C10orf67: variants seen among roughly 807,000 people sequenced by gnomAD.
C10orf67 encodes the protein uncharacterized protein C10orf67, mitochondrial.
C10orf67 carries 60 observed loss-of-function variants against 35.6 expected under a neutral mutation model. The ratio of observed to expected loss-of-function variants is 1.68; its 90% CI spans 1.37 to 2.09. The LOEUF is 2.09. Among genes scored for constraint, C10orf67 ranks in the 30% most tolerant of loss-of-function variants. The pLI is 0.00. For missense variants in C10orf67, 474 were observed against 330.2 expected, an observed-to-expected ratio of 1.44 and a Z score of -3.38; for synonymous variants, 167 against 115.8, an observed-to-expected ratio of 1.44 and a Z score of -2.84.
intron 5 of C10orf67, among the ~76,000 whole-genome samples, chr10:23,296,610 T>G (rs1373770694): frequency 6.6e-6 from 1 of 151,986 alleles, no homozygotes; most frequent in East Asian, 1.9e-4. Context: ...TGAATTGGGG[T>G]GTACTAGGGG....
chr10:23,272,671 T>G lies in C10orf67; in HGVS notation c.976-5417A>C, dbSNP rs141578558. On this transcript the variant is annotated intron_variant, in intron 8 of 15. Transcript: ENST00000636213. ...AAAATTGTTTTAGCTATCCCAGGTCTTGTGCATGTCTATATAAATTTTAGG... is the reference window on the plus strand; with the variant it reads ...AAAATTGTTTTAGCTATCCCAGGTCGTGTGCATGTCTATATAAATTTTAGG... 3.1e-3 allele frequency among the ~76,000 whole-genome samples: 476 copies of G among 152,340 alleles called. 5 individuals are homozygous for G. Among genetic ancestry groups the G allele is most frequent in the African/African-American group, 0.011 (441 of 41,584 alleles).
chr10:23,338,859 TA>T (rs1305576727), intron 1 of C10orf67, among the ~76,000 whole-genome samples: 3 of 151,648 alleles, frequency 2.0e-5, no homozygotes, highest in South Asian at 2.1e-4. Context: ...AAAATAAAAA[TA>T]AAAAAAATAA....
At chr10:23,210,609 G>A (rs1841282841) in intron 15 of C10orf67, among the ~76,000 whole-genome samples, 1 of 151,958 alleles carries the variant, frequency 6.6e-6, no homozygotes, top group African/African-American at 2.4e-5. Flanking sequence ...TAGTAGAGAC[G>A]GGGTTTCACC....
chr10:23,277,948 G>C (rs1169600670), intron 8 of C10orf67, among the ~76,000 whole-genome samples: 2 of 152,174 alleles, frequency 1.3e-5, no homozygotes, highest in East Asian at 3.9e-4. Flanking sequence ...GAAGGTGAAG[G>C]GGGAGCAGGT....
intron 15 of C10orf67, among the ~76,000 whole-genome samples, chr10:23,211,051 C>G (rs1409541283): frequency 6.6e-6 from 1 of 152,136 alleles, no homozygotes. Context: ...GCTGCCATAA[C>G]AAAGTAGCAC....
chr10:23,319,277 T>A (rs1844854607), intron 4 of C10orf67, among the ~76,000 whole-genome samples: 1 of 152,186 alleles, frequency 6.6e-6, no homozygotes, highest in Non-Finnish European at 1.5e-5. Flanking sequence ...TGTTCCAATA[T>A]TAATTTGTTT....
At chr10:23,336,254 T>G (rs942097986) in intron 1 of C10orf67, among the ~76,000 whole-genome samples, 3 of 152,182 alleles carry the variant, frequency 2.0e-5, no homozygotes, top group Non-Finnish European at 4.4e-5. Context: ...GACTAGAAAG[T>G]TCTCTGAGAC....
intron 2 of C10orf67, among the ~76,000 whole-genome samples, chr10:23,327,222 G>A (rs1393560235): frequency 6.6e-6 from 1 of 151,924 alleles, no homozygotes; most frequent in Non-Finnish European, 1.5e-5. Context: ...ATAAGATAAA[G>A]AGAAATTAAA....
intron 7 of C10orf67, among the ~76,000 whole-genome samples, chr10:23,283,464 C>T (rs1843431700): frequency 6.6e-6 from 1 of 152,192 alleles, no homozygotes; most frequent in Admixed American, 6.5e-5. Flanking sequence ...CTTCACTGGA[C>T]TCTGGTTCCG....
chr10:23,340,238 G>A lies in C10orf67; in HGVS notation c.206+4331C>T, dbSNP rs1588716577. ...TATTTTAAAATCAGGTTCAGGCTGG[G>A]TGTGGTGGCTCACACCAGCATTTTG... is the stretch of plus-strand genomic sequence containing the variant. On this transcript the variant is annotated intron_variant, in intron 1 of 15. Coordinates refer to ENST00000636213, the MANE Select transcript of C10orf67 (RefSeq NM_001371909.1). 9.9e-5 allele frequency among the ~76,000 whole-genome samples: 15 copies of A among 151,854 alleles called. No homozygotes were observed. In the South Asian group the frequency reaches 2.9e-3, roughly 30 times the overall value.
chr10:23,285,181 G>T (rs1007122369), intron 7 of C10orf67, among the ~76,000 whole-genome samples: 1 of 151,894 alleles, frequency 6.6e-6, no homozygotes, highest in Non-Finnish European at 1.5e-5. Context: ...GGCCCCAGGG[G>T]ACCTAGTTCC....
At chr10:23,298,968 G>A (rs1041706127) in intron 5 of C10orf67, among the ~76,000 whole-genome samples, 2 of 152,212 alleles carry the variant, frequency 1.3e-5, no homozygotes, top group African/African-American at 2.4e-5. Flanking sequence ...GGGTAAAACA[G>A]TCCAGGTGAG....
At chr10:23,332,705 A>G (rs1845533872) in intron 2 of C10orf67, among the ~76,000 whole-genome samples, 1 of 152,246 alleles carries the variant, frequency 6.6e-6, no homozygotes, top group Non-Finnish European at 1.5e-5. Context: ...AAGAAAATAT[A>G]ACAAAATGTC....
At chr10:23,223,462 T>C (rs1286574539) in intron 15 of C10orf67, 136 bp downstream of exon 15, 1 of 651,080 alleles carries the variant, frequency 1.5e-6, no homozygotes, top group Non-Finnish European at 2.8e-6. Flanking sequence ...GTGCAATAAT[T>C]TTATAAAGTG....
At chr10:23,282,685 G>C (rs1032700553) in intron 7 of C10orf67, among the ~76,000 whole-genome samples, 3 of 152,114 alleles carry the variant, frequency 2.0e-5, no homozygotes, top group African/African-American at 2.4e-5. Flanking sequence ...ACAAAAATTA[G>C]CTGGGCATGG....
chr10:23,285,283 G>T (rs1843497159), intron 7 of C10orf67, among the ~76,000 whole-genome samples: 1 of 150,414 alleles, frequency 6.6e-6, no homozygotes, highest in South Asian at 2.1e-4. Flanking sequence ...TCCAGTGCAT[G>T]TAAAGAAAAA....
At chr10:23,278,977 C>T (rs755853673) in intron 8 of C10orf67, among the ~76,000 whole-genome samples, 13 of 152,112 alleles carry the variant, frequency 8.5e-5, no homozygotes, top group African/African-American at 1.2e-4. Flanking sequence ...GTGGGTCGGT[C>T]GCAGCGGCTC....
intron 1 of C10orf67, chr10:23,344,056 G>C (rs371468466): frequency 2.0e-5 from 6 of 304,566 alleles, no homozygotes; most frequent in Admixed American, 3.8e-5. Flanking sequence ...AGTCGGAGTC[G>C]GGAACCCGGC....
At chr10:23,264,268 T>A (rs1842829541) in intron 10 of C10orf67, among the ~76,000 whole-genome samples, 1 of 152,172 alleles carries the variant, frequency 6.6e-6, no homozygotes, top group Non-Finnish European at 1.5e-5. Flanking sequence ...AATAGGATAT[T>A]ACACTTAACA....
Sources: gnomAD v4.1 joint callset for allele counts (sites outside exome capture counted in the v4.1 genomes callset) on GRCh38, gnomAD v4.1.1 for gene constraint, MANE v1.5 for transcripts, NCBI Gene and HGNC (gene_info 2026-07-23, HGNC 2026-07-21) for gene names.